Variants in DNAI4 observed in about 807,000 individuals in gnomAD.
The protein encoded by DNAI4 is WD repeat domain 78.
A neutral mutation model predicts 105.8 loss-of-function variants in DNAI4; 85 were observed. That is an observed-to-expected ratio of 0.80 (90% CI 0.67 to 0.96). DNAI4 has a LOEUF of 0.96. Ranked by LOEUF, DNAI4 falls within the 40% of genes least tolerant of loss-of-function variation. The probability of loss-of-function intolerance (pLI) is 0.00; values close to 1 mark genes in which losing one functional copy is unlikely to be tolerated. For missense variants in DNAI4, 1,014 were observed against 1,005.6 expected (o/e 1.01, Z -0.11); for synonymous variants, 352 against 331.5 (o/e 1.06, Z -0.67).
chr1:66,905,149 G>C (rs758465400), intron 2 of DNAI4, 52 bp downstream of exon 2: 8 of 1,299,264 alleles, frequency 6.2e-6, no homozygotes, highest in Non-Finnish European at 8.2e-6. Flanking sequence ...CATTTCAATT[G>C]AGTTTTTCAC....
In DNAI4 at chr1:66,893,626, T is replaced by C. The variant is rs534146015; in HGVS notation, c.346-213A>G. ...TTCTTAAAATATTATTTTTGCTTTA[T>C]CTATATGTAATTAATATATATTAAC... is the stretch of plus-strand genomic sequence containing the variant. On this transcript the variant is annotated intron_variant, in intron 2 of 16. Coordinates refer to ENST00000371026, the MANE Select transcript of DNAI4 (RefSeq NM_024763.5). 3.9e-5 allele frequency among the ~76,000 whole-genome samples: 6 copies of C among 152,318 alleles called. No homozygotes were observed. The South Asian group carries it at 1.0e-3, about 26-fold the overall frequency.
intron 1 of DNAI4, among the ~76,000 whole-genome samples, chr1:66,911,495 C>T (rs1382412767): frequency 6.6e-6 from 1 of 152,124 alleles, no homozygotes; most frequent in East Asian, 1.9e-4. Flanking sequence ...AGGTCCCAAC[C>T]CTATAATCAT....
chr1:66,825,341 G>T (rs1038662919), intron 15 of DNAI4, among the ~76,000 whole-genome samples: 1 of 151,098 alleles, frequency 6.6e-6, no homozygotes, highest in Admixed American at 6.6e-5. Flanking sequence ...CACCGCGCCC[G>T]GCTAATTTTT....
intron 6 of DNAI4, chr1:66,870,717 C>G (rs1416250473): frequency 7.5e-6 from 1 of 133,546 alleles, no homozygotes; most frequent in Non-Finnish European, 1.5e-5. Flanking sequence ...CTATTGCATT[C>G]CAGCCTGGGT....
At chr1:66,829,257 A>G (rs10789217) in intron 13 of DNAI4, among the ~76,000 whole-genome samples, 70,035 of 152,024 alleles carry the variant, frequency 0.46, 16,632 homozygotes, top group South Asian at 0.6. Flanking sequence ...TCTTAGCAGC[A>G]TAATTAAAAG....
intron 1 of DNAI4, among the ~76,000 whole-genome samples, chr1:66,920,264 T>G (rs1453566380): frequency 1.3e-5 from 2 of 152,064 alleles, no homozygotes; most frequent in African/African-American, 4.8e-5. Flanking sequence ...AGGGGAAGAT[T>G]ACCTTCCCGT....
chr1:66,893,073 G>GA (rs1272121042), intron 3 of DNAI4, among the ~76,000 whole-genome samples, 156 bp downstream of exon 3: 1 of 135,956 alleles, frequency 7.4e-6, no homozygotes, highest in African/African-American at 3.0e-5. Context: ...GAGAAAGAAA[G>GA]AAAGAAAGAA....
At chr1:66,841,254 G>A (rs751239425) in intron 8 of DNAI4, among the ~76,000 whole-genome samples, 9 of 152,140 alleles carry the variant, frequency 5.9e-5, no homozygotes, top group Non-Finnish European at 1.0e-4. Flanking sequence ...ATGATACAGG[G>A]CTAAAGAATT....
chr1:66,859,150 A>C (rs532624007), intron 7 of DNAI4, among the ~76,000 whole-genome samples: 10 of 152,320 alleles, frequency 6.6e-5, no homozygotes, highest in Admixed American at 2.6e-4. Flanking sequence ...ACAAACAGCC[A>C]AATTTTTAAA....
chr1:66,889,696 CAAGT>C (rs950852533), intron 4 of DNAI4, among the ~76,000 whole-genome samples: 8 of 152,264 alleles, frequency 5.3e-5, no homozygotes, highest in Non-Finnish European at 8.8e-5. Flanking sequence ...CACTCCAAAT[CAAGT>C]ACCCCTCAAG....
chr1:66,825,166 C>CTTTT (rs759572433), intron 15 of DNAI4, among the ~76,000 whole-genome samples: 327 of 95,918 alleles, frequency 3.4e-3, no homozygotes, highest in Middle Eastern at 7.7e-3. Context: ...TAATAACTGT[C>CTTTT]TTTTTTTTTT....
chr1:66,868,544 T>C (rs1326447540), intron 6 of DNAI4, among the ~76,000 whole-genome samples: 1 of 152,196 alleles, frequency 6.6e-6, no homozygotes, highest in African/African-American at 2.4e-5. Flanking sequence ...GAATTCACTC[T>C]CTGCCTGATT....
chr1:66,860,108 T>C (rs1178471658), intron 7 of DNAI4, among the ~76,000 whole-genome samples: 1 of 152,122 alleles, frequency 6.6e-6, no homozygotes, highest in Non-Finnish European at 1.5e-5. Context: ...CTTGGTACTA[T>C]ATGCTCAATT....
chr1:66,898,908 AG>A (rs1184205930), intron 2 of DNAI4, among the ~76,000 whole-genome samples: 1 of 152,168 alleles, frequency 6.6e-6, no homozygotes, highest in Non-Finnish European at 1.5e-5. Context: ...TGTCTCACTT[AG>A]CATATTTTCA....
intron 6 of DNAI4, among the ~76,000 whole-genome samples, chr1:66,869,494 T>G (rs1305843595): frequency 6.6e-6 from 1 of 152,166 alleles, no homozygotes; most frequent in Non-Finnish European, 1.5e-5. Context: ...AGTAATCCAT[T>G]TAAAAATATT....
chr1:66,842,144 T>C (rs1646163311), intron 8 of DNAI4, among the ~76,000 whole-genome samples: 1 of 152,196 alleles, frequency 6.6e-6, no homozygotes. Flanking sequence ...TTCCTCCAGG[T>C]CTGCTTCTGG....
intron 1 of DNAI4, among the ~76,000 whole-genome samples, chr1:66,919,994 G>T (rs1187257057): frequency 1.3e-5 from 2 of 152,156 alleles, no homozygotes; most frequent in Admixed American, 6.5e-5. Context: ...CAGGTCCCTG[G>T]CGAGGGCCCC....
At chr1:66,856,751 A>C (rs910693783) in intron 7 of DNAI4, among the ~76,000 whole-genome samples, 1 of 152,056 alleles carries the variant, frequency 6.6e-6, no homozygotes, top group Non-Finnish European at 1.5e-5. Flanking sequence ...TCAAAGAAGA[A>C]GTCTCAAATG....
chr1:66,916,748 G>A (rs945063176), intron 1 of DNAI4, among the ~76,000 whole-genome samples: 5 of 152,226 alleles, frequency 3.3e-5, no homozygotes, highest in African/African-American at 1.2e-4. Flanking sequence ...TTTGGAAGCT[G>A]TATTGCTTTA....
Sources: gnomAD v4.1 joint callset for allele counts (sites outside exome capture counted in the v4.1 genomes callset) on GRCh38, gnomAD v4.1.1 for gene constraint, MANE v1.5 for transcripts, NCBI Gene and HGNC (gene_info 2026-07-23, HGNC 2026-07-21) for gene names.